SYT13: variants seen among roughly 807,000 people sequenced by gnomAD.
The protein encoded by SYT13 is synaptotagmin 13, also known as synaptotagmin-13.
A neutral mutation model predicts 38.6 loss-of-function variants in SYT13; 21 were observed. That is an observed-to-expected ratio of 0.54 (90% confidence interval 0.39 to 0.78). SYT13 has a LOEUF of 0.78. Among genes scored for constraint, SYT13 ranks in the 30% least tolerant of loss-of-function variants. The pLI, the probability that SYT13 is intolerant of heterozygous loss-of-function variation, is 0.00. For missense variants in SYT13, 495 were observed against 548.7 expected (o/e 0.90, Z 0.98); for synonymous variants, 241 against 237.6 (o/e 1.01, Z -0.13).
chr11:45,263,725 T>C (rs1854848012), intron 1 of SYT13, among the ~76,000 whole-genome samples: 1 of 152,222 alleles, frequency 6.6e-6, no homozygotes, highest in Admixed American at 6.5e-5. Context: ...CACTAACGTG[T>C]ATATAATGAA....
Position 45,252,515 on chromosome 11 carries a change from C to A in SYT13, c.752G>T (p.Arg251Leu). The change falls in exon 4 of 6, where the codon CGT becomes CTT. Residue 251 changes from arginine to leucine, a missense_variant. Transcript: ENST00000020926. The surrounding 1 kb of genome is among the most constrained non-coding windows in gnomAD (Gnocchi z 4.3). ...LTLRTCDRFS[R>L]HSVAGELRLG... ...GCGGAGCTCCCCGGCCACGCTGTGA[C>A]GGGAGAAGCGGTCGCAGGTCCTCAA... The A allele has an allele frequency of 6.2e-7, 1 of 1,614,032 alleles. No individual in the cohort carries two copies. Among genetic ancestry groups the A allele is most frequent in the Non-Finnish European group, 8.5e-7 (1 of 1,180,032 alleles).
Position 45,246,407 on chromosome 11 carries a change from G to A in SYT13, c.952C>T (p.Gln318Ter). Residue 318 changes from glutamine (Q) to a stop codon, truncating the protein, a stop_gained, in exon 5 of 6, where the codon CAG (glutamine) becomes TAG (stop). Coordinates refer to ENST00000020926, the MANE Select transcript of SYT13 (RefSeq NM_020826.3). LOFTEE classifies it high-confidence loss of function. ...CCCTTCCCCAGGAGCTCCTTGGACT[G>A]GTTAGAGTGGAGGTTCTTGGCTTTA... ...LIKAKNLHSN[Q>*]SKELLGKDVS... The A allele has an allele frequency of 6.2e-7, 1 of 1,614,074 alleles. No individual in the cohort carries two copies. Among genetic ancestry groups the A allele is most frequent in the Non-Finnish European group, 8.5e-7 (1 of 1,179,986 alleles).
chr11:45,250,138 T>G (rs1388743508), intron 4 of SYT13, among the ~76,000 whole-genome samples: 2 of 152,186 alleles, frequency 1.3e-5, no homozygotes, highest in Non-Finnish European at 2.9e-5. Context: ...ACTTCCAGCT[T>G]TCTCCTGCCC....
rs534834777 is a variant in SYT13 at position 45,251,296 on chromosome 11, C to T, written c.846+1125G>A. On this transcript the variant is annotated intron_variant, in intron 4 of 5. Transcript: ENST00000020926. ...CCCAGCTACTCAGGAGGCTGAGGCA[C>T]GAGAATCGCTTGAACCCAGGAGGCA... Among the ~76,000 whole-genome samples the T allele has an allele frequency of 4.2e-5, 6 of 143,404 alleles. No individual in the cohort carries two copies. In the South Asian group the frequency reaches 1.1e-3, roughly 26 times the overall value. 94.1% of individuals were successfully genotyped at this position (143,404 alleles called of 152,430 possible). A position where few individuals can be genotyped will look rare whatever the true frequency, so the allele number is the denominator to read the frequency against.
chr11:45,264,388 A>G (rs1413441698), intron 1 of SYT13, among the ~76,000 whole-genome samples: 1 of 152,224 alleles, frequency 6.6e-6, no homozygotes, highest in African/African-American at 2.4e-5. Context: ...TACCAAAAAA[A>G]TGACATTCCA....
At chr11:45,268,583 C>T (rs1854912480) in intron 1 of SYT13, among the ~76,000 whole-genome samples, 1 of 152,222 alleles carries the variant, frequency 6.6e-6, no homozygotes, top group Admixed American at 6.5e-5. Flanking sequence ...GCATTACTGT[C>T]ATCCCCACTT....
chr11:45,278,699 A>T (rs1855037940), intron 1 of SYT13, among the ~76,000 whole-genome samples: 1 of 152,150 alleles, frequency 6.6e-6, no homozygotes, highest in African/African-American at 2.4e-5. Context: ...ATTATCTACA[A>T]ACTGTACCCA....
At chr11:45,251,772 G>A (rs1854679192) in intron 4 of SYT13, among the ~76,000 whole-genome samples, 3 of 152,080 alleles carry the variant, frequency 2.0e-5, no homozygotes, top group Admixed American at 6.5e-5. Context: ...CCCACTTGTG[G>A]CCCCCCAACA....
At chr11:45,276,088 T>C (rs1170550850) in intron 1 of SYT13, among the ~76,000 whole-genome samples, 1 of 152,144 alleles carries the variant, frequency 6.6e-6, no homozygotes, top group Non-Finnish European at 1.5e-5. Flanking sequence ...TTTGGATATA[T>C]ACCCAAAGGA....
At chr11:45,279,952 G>A (rs761920353) in intron 1 of SYT13, among the ~76,000 whole-genome samples, 7 of 152,172 alleles carry the variant, frequency 4.6e-5, no homozygotes, top group Non-Finnish European at 8.8e-5. Context: ...GGCTGAAGAC[G>A]GAAGTAATAT....
chr11:45,249,544 T>G (rs997510849), intron 4 of SYT13, among the ~76,000 whole-genome samples: 10 of 152,218 alleles, frequency 6.6e-5, no homozygotes, highest in African/African-American at 2.4e-4. Flanking sequence ...GTGGCCCATA[T>G]ACAGCACGGA....
intron 5 of SYT13, 140 bp from the exon 6 acceptor site, chr11:45,244,496 C>A (rs1854591961): frequency 2.9e-6 from 3 of 1,034,764 alleles, no homozygotes; most frequent in Non-Finnish European, 4.1e-6. Context: ...CCCATATACC[C>A]AAACATCTTA....
At chr11:45,261,511 T>A (rs77969320) in intron 1 of SYT13, among the ~76,000 whole-genome samples, 3 of 151,442 alleles carry the variant, frequency 2.0e-5, no homozygotes, top group African/African-American at 7.3e-5. Flanking sequence ...GGCAGAAGAA[T>A]GGCGTGAACC....
chr11:45,272,578 T>C (rs1383225649), intron 1 of SYT13, among the ~76,000 whole-genome samples: 4 of 152,214 alleles, frequency 2.6e-5, no homozygotes, highest in Non-Finnish European at 5.9e-5. Context: ...TTCCTTCTTT[T>C]AAATGAGATG....
intron 1 of SYT13, among the ~76,000 whole-genome samples, chr11:45,277,526 T>A (rs188034374): frequency 2.1e-4 from 32 of 152,330 alleles, no homozygotes; most frequent in Non-Finnish European, 3.4e-4. Flanking sequence ...AATGCCCTGC[T>A]CATCCAGGCC....
rs141207837 is a variant in SYT13, at chr11:45,240,460, C to T, written c.*3592G>A. 6.5e-6 allele frequency: 1 copy of T among 152,738 alleles called. No individual in the cohort carries two copies. Among genetic ancestry groups the T allele is most frequent in the East Asian group, 1.9e-4 (1 of 5,184 alleles). The allele number at this position is 152,738 out of a possible 1,614,324, so 9.5% of individuals were successfully genotyped here. On this transcript the variant is annotated 3_prime_UTR_variant, in exon 6 of 6. Transcript: ENST00000020926. ...CAACAGGAAACACAGAGGGCAGAAACAAATCACAAGGACTAGTTGGTTTAG... is the reference window on the plus strand; with the variant it reads ...CAACAGGAAACACAGAGGGCAGAAATAAATCACAAGGACTAGTTGGTTTAG...
intron 1 of SYT13, among the ~76,000 whole-genome samples, chr11:45,285,274 G>C (rs1855120035): frequency 6.6e-6 from 1 of 152,198 alleles, no homozygotes; most frequent in Non-Finnish European, 1.5e-5. Context: ...TGGGAGCACG[G>C]GCTATTTCCT....
chr11:45,286,331 G>T lies in SYT13; in HGVS notation c.-124C>A. The stretch of plus-strand genomic sequence containing the variant: ...GCTCTCCCGCCGCCAGAGGGGCGGG[G>T]ACGGAGGGAGGGAGGACGGCTGCGA... On this transcript the variant is annotated 5_prime_UTR_variant, in exon 1 of 6. Coordinates refer to ENST00000020926, the MANE Select transcript of SYT13 (RefSeq NM_020826.3). 3 of 1,182,094 alleles carry T rather than the reference G, an allele frequency of 2.5e-6. No homozygotes were observed. The highest frequency in any genetic ancestry group is 3.0e-5 in the Admixed American group (1 of 33,292). 73.2% of individuals were successfully genotyped at this position (1,182,094 alleles called of 1,614,324 possible).
chr11:45,243,313 G>C lies in SYT13; in HGVS notation c.*739C>G, dbSNP rs1392008271. The C allele has an allele frequency of 6.6e-6, 1 of 152,192 alleles. No individual in the cohort carries two copies. The highest frequency in any genetic ancestry group is 1.5e-5 in the Non-Finnish European group (1 of 68,048). 9.4% of individuals were successfully genotyped at this position (152,192 alleles called of 1,614,324 possible). On this transcript the variant is annotated 3_prime_UTR_variant, in exon 6 of 6. Transcript: ENST00000020926. ...TAAAATAATTAAATTAAAAAGCTGAGGCCCCAGATTTCACCCTGATGGTTG... is the reference window on the plus strand; with the variant it reads ...TAAAATAATTAAATTAAAAAGCTGACGCCCCAGATTTCACCCTGATGGTTG...
Sources: allele counts gnomAD v4.1 joint callset (sites outside exome capture counted in the v4.1 genomes callset), GRCh38; gene constraint gnomAD v4.1.1; non-coding constraint Gnocchi (gnomAD v3.1); transcripts MANE v1.5; gene names NCBI Gene and HGNC (gene_info 2026-07-23, HGNC 2026-07-21).